The following MXD1 variants were observed in gnomAD, a reference collection of about 807,000 sequenced individuals.
The protein encoded by MXD1 is MAX dimerization protein 1.
In MXD1, 9 loss-of-function variants were observed where a neutral mutation model predicts 25.7. The ratio of observed to expected loss-of-function variants is 0.35; its 90% CI spans 0.21 to 0.61. The LOEUF (loss-of-function observed/expected upper bound fraction) is 0.61. Ranked by LOEUF, MXD1 falls within the 20% of genes least tolerant of loss-of-function variation. The pLI, the probability that MXD1 is intolerant of heterozygous loss-of-function variation, is 0.75. For synonymous variants in MXD1, 99 were observed against 113.9 expected (o/e 0.87, Z 0.83); for missense variants, 227 against 292.4 (o/e 0.78, Z 1.63).
chr2:69,915,571 C>T lies in MXD1; in HGVS notation c.73+168C>T, dbSNP rs962459930. On this transcript the variant is annotated intron_variant, in intron 1 of 5. Coordinates refer to ENST00000264444, the MANE Select transcript of MXD1 (RefSeq NM_002357.4). This position sits in a 1 kb window ranked among gnomAD's most constrained non-coding sequence, Gnocchi z 5.8. ...CGCGCGGTCCGAAGGGAAGCCGCCG[C>T]TGCCCCAAAGCAATGAATGGGGTGG... 6.6e-6 allele frequency among the ~76,000 whole-genome samples: 1 copy of T among 152,228 alleles called. No homozygotes were observed. The highest frequency in any genetic ancestry group is 1.5e-5 in the Non-Finnish European group (1 of 68,026).
In MXD1 at chr2:69,938,482, G is replaced by A. The variant is rs750345622; in HGVS notation, c.*198G>A. On this transcript the variant is annotated 3_prime_UTR_variant, in exon 6 of 6. Transcript: ENST00000264444. ...GCATCCACTAGCTTCTCTTTTTCTC[G>A]CCATAAAAATTTGTCTCTGAGAGAC... 7 of 569,722 alleles carry A rather than the reference G, an allele frequency of 1.2e-5. No homozygotes were observed. The highest frequency in any genetic ancestry group is 2.2e-5 in the South Asian group (1 of 45,598). 35.3% of individuals were successfully genotyped at this position (569,722 alleles called of 1,614,324 possible).
At chr2:69,932,291 G>A (rs1039550801) in intron 3 of MXD1, among the ~76,000 whole-genome samples, 1 of 152,114 alleles carries the variant, frequency 6.6e-6, no homozygotes, top group Non-Finnish European at 1.5e-5. Context: ...ACATAACAGA[G>A]GGGTCTGTTT....
intron 2 of MXD1, 90 bp downstream of exon 2, chr2:69,916,310 C>T: frequency 2.6e-6 from 2 of 777,096 alleles, no homozygotes; most frequent in South Asian, 1.6e-5. Context: ...TGATTATAAC[C>T]CTATAAAATT....
rs575016571 is a variant in MXD1, at chr2:69,928,209, A to T, written c.203+6444A>T. On this transcript the variant is annotated intron_variant, in intron 3 of 5. Coordinates refer to ENST00000264444, the MANE Select transcript of MXD1 (RefSeq NM_002357.4). ...CTCCAATTATCTTATAGGATTTAAG[A>T]TGCTATTTAATTGGGTAAGTCTGGC... Among the ~76,000 whole-genome samples the T allele has an allele frequency of 4.6e-5, 7 of 152,344 alleles. No individual in the cohort carries two copies. In the East Asian group the frequency reaches 1.3e-3, roughly 29 times the overall value.
intron 3 of MXD1, among the ~76,000 whole-genome samples, chr2:69,934,401 G>A (rs1364625572): frequency 6.6e-6 from 1 of 152,186 alleles, no homozygotes; most frequent in Non-Finnish European, 1.5e-5. Flanking sequence ...CTCAGTTGGA[G>A]CAACTCTCGT....
At chr2:69,925,278 T>C (rs1677148492) in intron 3 of MXD1, among the ~76,000 whole-genome samples, 1 of 151,440 alleles carries the variant, frequency 6.6e-6, no homozygotes, top group African/African-American at 2.4e-5. Context: ...GGTTTTTCTT[T>C]TCTTTTTTTA....
In MXD1 at chr2:69,938,154, G is replaced by A. The variant is rs776683903; in HGVS notation, c.536G>A (p.Ser179Asn). 16 of 1,614,246 alleles carry A rather than the reference G, an allele frequency of 9.9e-6. No individual in the cohort carries two copies. The highest frequency in any genetic ancestry group is 1.7e-5 in the Admixed American group (1 of 60,030). Residue 179 changes from serine to asparagine, a missense_variant, in exon 6 of 6, where the codon AGC becomes AAC. Ser to Asn is a conservative substitution (Grantham distance 46). Transcript: ENST00000264444. The stretch of plus-strand genomic sequence containing the variant: ...TATCTCACAGGTGATCTGGACTGGA[G>A]CAGCAGCAGTGTGAGCGACTCTGAC... ...TDYLTGDLDW[S>N]SSSVSDSDER...
rs1016510973 is a variant in MXD1 at position 69,938,139 on chromosome 2, G to A, written c.521G>A (p.Gly174Asp). The change falls in exon 6 of 6, where the codon GGT becomes GAT. Residue 174 changes from glycine to aspartate, a missense_variant. Transcript: ENST00000264444. ...GTGGAGAGCACGGACTATCTCACAG[G>A]TGATCTGGACTGGAGCAGCAGCAGT... ...VDVESTDYLT[G>D]DLDWSSSSVS... 6.2e-7 allele frequency: 1 copy of A among 1,614,240 alleles called. No homozygotes were observed. Among genetic ancestry groups the A allele is most frequent in the Non-Finnish European group, 8.5e-7 (1 of 1,180,038 alleles).
intron 3 of MXD1, among the ~76,000 whole-genome samples, chr2:69,927,899 C>T (rs531736383): frequency 1.2e-4 from 18 of 152,036 alleles, no homozygotes; most frequent in Non-Finnish European, 2.6e-4. Context: ...AATAATGATG[C>T]ACTTGGCAAT....
At chr2:69,934,453 G>C (rs552493444) in intron 3 of MXD1, among the ~76,000 whole-genome samples, 1 of 152,100 alleles carries the variant, frequency 6.6e-6, no homozygotes, top group Non-Finnish European at 1.5e-5. Context: ...GCTTCATCCA[G>C]CCCTTCTCCC....
intron 4 of MXD1, 122 bp from the exon 5 acceptor site, chr2:69,937,113 G>GT: frequency 7.9e-7 from 1 of 1,267,536 alleles, no homozygotes; most frequent in Non-Finnish European, 1.2e-6. Flanking sequence ...AGCTTGATGA[G>GT]TGGCACCGAA....
At chr2:69,929,767 C>A (rs749811060) in intron 3 of MXD1, among the ~76,000 whole-genome samples, 4 of 152,178 alleles carry the variant, frequency 2.6e-5, no homozygotes, top group Non-Finnish European at 5.9e-5. Context: ...ATAATCCATT[C>A]TTTCCCTAAG....
At chr2:69,917,626 T>A (rs1299044090) in intron 2 of MXD1, among the ~76,000 whole-genome samples, 1 of 152,202 alleles carries the variant, frequency 6.6e-6, no homozygotes, top group Non-Finnish European at 1.5e-5. Flanking sequence ...TTATTGAGGC[T>A]TAATACCTTA....
intron 3 of MXD1, among the ~76,000 whole-genome samples, chr2:69,923,478 C>A (rs184985539): frequency 3.5e-4 from 54 of 152,304 alleles, no homozygotes; most frequent in Middle Eastern, 3.4e-3. Flanking sequence ...AAGTCAGGAT[C>A]TGAATGATAT....
intron 3 of MXD1, among the ~76,000 whole-genome samples, chr2:69,931,994 A>G (rs754168343): frequency 6.6e-6 from 1 of 152,196 alleles, no homozygotes; most frequent in Non-Finnish European, 1.5e-5. Context: ...TTCCTGGGTC[A>G]CACTGAGGTG....
At chr2:69,924,474 G>C (rs972679748) in intron 3 of MXD1, among the ~76,000 whole-genome samples, 110 of 152,144 alleles carry the variant, frequency 7.2e-4, no homozygotes, top group African/African-American at 2.5e-3. Context: ...GCAAGCATTG[G>C]TTGCTGCAGT....
intron 3 of MXD1, among the ~76,000 whole-genome samples, chr2:69,929,330 A>T (rs1239367421): frequency 6.6e-6 from 1 of 152,244 alleles, no homozygotes; most frequent in Non-Finnish European, 1.5e-5. Context: ...AACTTTAAGG[A>T]TAGTATATTT....
chr2:69,930,410 G>C (rs1332429344), intron 3 of MXD1, among the ~76,000 whole-genome samples: 1 of 152,152 alleles, frequency 6.6e-6, no homozygotes, highest in Non-Finnish European at 1.5e-5. Context: ...GCAAGCAGAA[G>C]TGAGGCAGCT....
In MXD1 at chr2:69,941,265, G is replaced by C. The variant is rs1393922745; in HGVS notation, c.*2981G>C. The C allele has an allele frequency of 6.6e-6, 1 of 152,202 alleles. No homozygotes were observed. The highest frequency in any genetic ancestry group is 1.9e-4 in the East Asian group (1 of 5,198). The allele number at this position is 152,202 out of a possible 1,614,324, so 9.4% of individuals were successfully genotyped here. Reference sequence around the variant, plus strand: ...TGGGAAAATATATATGTGTGCTTCTGTAACATCCTGAAAACATAGCTTTCC... The same window carrying C: ...TGGGAAAATATATATGTGTGCTTCTCTAACATCCTGAAAACATAGCTTTCC... On this transcript the variant is annotated 3_prime_UTR_variant, in exon 6 of 6. Transcript: ENST00000264444.
Sources: gnomAD v4.1 joint callset for allele counts (sites outside exome capture counted in the v4.1 genomes callset) on GRCh38, gnomAD v4.1.1 for gene constraint, Gnocchi (gnomAD v3.1) non-coding constraint, MANE v1.5 for transcripts, NCBI Gene and HGNC (gene_info 2026-07-23, HGNC 2026-07-21) for gene names.